TMEM108: variants seen among roughly 807,000 people sequenced by gnomAD.
TMEM108 encodes transmembrane protein 108.
TMEM108 carries 12 observed loss-of-function variants against 35.1 expected under a neutral mutation model. The ratio of observed to expected loss-of-function variants is 0.34; its 90% CI spans 0.22 to 0.55. The LOEUF (loss-of-function observed/expected upper bound fraction) is 0.55. TMEM108 is among the 20% of genes least tolerant of loss of function. TMEM108 has a pLI of 0.89. For synonymous variants in TMEM108, 287 were observed against 308.6 expected (o/e 0.93, Z 0.73); for missense variants, 680 against 753.3 (o/e 0.90, Z 1.14).
intron 2 of TMEM108, among the ~76,000 whole-genome samples, chr3:133,048,457 C>T (rs1488598424): frequency 6.6e-6 from 1 of 152,098 alleles, no homozygotes; most frequent in Non-Finnish European, 1.5e-5. Context: ...TGACAGTTTT[C>T]TAGTACTATG....
At chr3:133,060,471 G>C (rs1943522739) in intron 2 of TMEM108, among the ~76,000 whole-genome samples, 1 of 152,050 alleles carries the variant, frequency 6.6e-6, no homozygotes, top group Non-Finnish European at 1.5e-5. Context: ...ATTTCACTGG[G>C]GCATATGGCT....
rs114766768 is a variant in TMEM108, at chr3:133,164,136, C to T, written c.-46-65130C>T. Among the ~76,000 whole-genome samples, 1,080 of 152,234 alleles carry T rather than the reference C, an allele frequency of 7.1e-3. 12 individuals are homozygous for T. The highest frequency in any genetic ancestry group is 0.011 in the Non-Finnish European group (741 of 68,012). On this transcript the variant is annotated intron_variant, in intron 2 of 5. Transcript: ENST00000321871. Reference sequence around the variant, plus strand: ...TCAATTTATAGAATAGTTGTCACAACCATCTCTATGTGTCTGCCTTCACAT... The same window carrying T: ...TCAATTTATAGAATAGTTGTCACAATCATCTCTATGTGTCTGCCTTCACAT...
intron 3 of TMEM108, among the ~76,000 whole-genome samples, chr3:133,370,393 C>T (rs2072624115): frequency 6.6e-6 from 1 of 152,124 alleles, no homozygotes; most frequent in African/African-American, 2.4e-5. Context: ...GAGGGGAAAA[C>T]TACAGAGATA....
At chr3:133,314,762 A>T (rs2071175761) in intron 3 of TMEM108, among the ~76,000 whole-genome samples, 1 of 152,246 alleles carries the variant, frequency 6.6e-6, no homozygotes, top group African/African-American at 2.4e-5. Flanking sequence ...ACAAGAACAG[A>T]CAGCATGAGT....
intron 3 of TMEM108, among the ~76,000 whole-genome samples, chr3:133,270,660 A>G (rs909970760): frequency 1.3e-5 from 2 of 152,154 alleles, no homozygotes; most frequent in African/African-American, 4.8e-5. Flanking sequence ...TATCATGAGC[A>G]TCTTCTGCCC....
rs143961864 is a variant in TMEM108 at position 133,199,902 on chromosome 3, T to C, written c.-46-29364T>C. 1.7e-4 allele frequency among the ~76,000 whole-genome samples: 26 copies of C among 152,326 alleles called. No individual in the cohort carries two copies. The East Asian group carries it at 4.8e-3, about 28-fold the overall frequency. On this transcript the variant is annotated intron_variant, in intron 2 of 5. Coordinates refer to ENST00000321871, the MANE Select transcript of TMEM108 (RefSeq NM_023943.4). ...GAAGCAGGCAGGCCTCCTTGAGCTGTGGTGGATTCCACCCAGTTCGAGCTT... is the reference window on the plus strand; with the variant it reads ...GAAGCAGGCAGGCCTCCTTGAGCTGCGGTGGATTCCACCCAGTTCGAGCTT...
At chr3:133,234,946 T>C (rs1576401094) in intron 3 of TMEM108, among the ~76,000 whole-genome samples, 1 of 152,342 alleles carries the variant, frequency 6.6e-6, no homozygotes, top group Admixed American at 6.5e-5. Flanking sequence ...CAAGCATTCC[T>C]ATACGTCAAT....
chr3:133,096,495 G>A (rs779955877), intron 2 of TMEM108, among the ~76,000 whole-genome samples: 72 of 152,242 alleles, frequency 4.7e-4, no homozygotes, highest in Middle Eastern at 3.4e-3. Context: ...AGATGAGAGA[G>A]ACTCATAGGA....
intron 3 of TMEM108, among the ~76,000 whole-genome samples, chr3:133,336,890 A>G (rs1355293011): frequency 1.3e-5 from 2 of 152,032 alleles, no homozygotes; most frequent in Non-Finnish European, 2.9e-5. Context: ...GGCTTAAAGT[A>G]AATGTTGGCA....
At chr3:133,099,927 TC>T (rs1944065727) in intron 2 of TMEM108, among the ~76,000 whole-genome samples, 3 of 152,224 alleles carry the variant, frequency 2.0e-5, no homozygotes, top group African/African-American at 7.2e-5. Flanking sequence ...GTTACCCAGT[TC>T]CAAAGTCGCT....
intron 3 of TMEM108, among the ~76,000 whole-genome samples, chr3:133,255,101 A>G (rs917857344): frequency 6.6e-6 from 1 of 152,238 alleles, no homozygotes; most frequent in Non-Finnish European, 1.5e-5. Context: ...AGAGTCATGC[A>G]GCATCACTTC....
At chr3:133,277,116 A>T (rs1946849452) in intron 3 of TMEM108, among the ~76,000 whole-genome samples, 1 of 151,798 alleles carries the variant, frequency 6.6e-6, no homozygotes, top group Non-Finnish European at 1.5e-5. Flanking sequence ...CTTAGATCGA[A>T]CTCTGGACCA....
chr3:133,336,368 G>T (rs2071503060), intron 3 of TMEM108, among the ~76,000 whole-genome samples: 3 of 152,062 alleles, frequency 2.0e-5, no homozygotes, highest in Admixed American at 2.0e-4. Flanking sequence ...AGAGTTAAGA[G>T]AACTTTGTTT....
intron 3 of TMEM108, among the ~76,000 whole-genome samples, chr3:133,277,522 C>T (rs1397412628): frequency 2.0e-5 from 3 of 152,142 alleles, no homozygotes; most frequent in East Asian, 1.9e-4. Flanking sequence ...GGTGAGGATC[C>T]CTGACTCCCT....
At chr3:133,299,655 G>A (rs1037257248) in intron 3 of TMEM108, among the ~76,000 whole-genome samples, 5 of 152,060 alleles carry the variant, frequency 3.3e-5, no homozygotes, top group Middle Eastern at 3.2e-3. Context: ...CTCATATATG[G>A]CACAGGCCCA....
intron 2 of TMEM108, among the ~76,000 whole-genome samples, chr3:133,179,115 CA>C (rs1383011806): frequency 6.6e-6 from 1 of 151,772 alleles, no homozygotes; most frequent in Non-Finnish European, 1.5e-5. Flanking sequence ...GATACCATCT[CA>C]CACCAGTTAG....
At chr3:133,364,287 A>T (rs912942074) in intron 3 of TMEM108, among the ~76,000 whole-genome samples, 1 of 152,202 alleles carries the variant, frequency 6.6e-6, no homozygotes, top group Non-Finnish European at 1.5e-5. Context: ...GGAAGGAAAC[A>T]TTATTTCTTT....
chr3:133,200,108 C>T (rs564795010), intron 2 of TMEM108, among the ~76,000 whole-genome samples: 3 of 152,154 alleles, frequency 2.0e-5, no homozygotes, highest in Non-Finnish European at 2.9e-5. Context: ...TTGCTAAGAC[C>T]GTTGGAAAAG....
chr3:133,287,186 A>G (rs557140633), intron 3 of TMEM108, among the ~76,000 whole-genome samples: 128 of 152,270 alleles, frequency 8.4e-4, no homozygotes, highest in Non-Finnish European at 1.7e-3. Context: ...AGACATTTTT[A>G]TATAGTGAGG....
Sources: allele counts gnomAD v4.1 joint callset (sites outside exome capture counted in the v4.1 genomes callset), GRCh38; gene constraint gnomAD v4.1.1; transcripts MANE v1.5; gene names NCBI Gene and HGNC (gene_info 2026-07-23, HGNC 2026-07-21).